Variants in ARIH2 observed in about 807,000 individuals in gnomAD.
ARIH2 encodes the protein E3 ubiquitin-protein ligase ARIH2.
ARIH2 carries 12 observed loss-of-function variants against 79.8 expected under a neutral mutation model. The observed-to-expected ratio is 0.15, with a 90% CI of 0.10 to 0.24. ARIH2 has a LOEUF of 0.24. Ranked by LOEUF, ARIH2 falls within the 10% of genes least tolerant of loss-of-function variation. The probability of loss-of-function intolerance (pLI) is 1.00; values close to 1 mark genes in which losing one functional copy is unlikely to be tolerated. For synonymous variants in ARIH2, 224 were observed against 213.9 expected, an observed-to-expected ratio of 1.05 and a Z score of -0.41; for missense variants, 301 against 618.3, an observed-to-expected ratio of 0.49 and a Z score of 5.44.
intron 12 of ARIH2, 121 bp downstream of exon 12, chr3:48,979,754 G>A: frequency 9.3e-7 from 1 of 1,069,994 alleles, no homozygotes; most frequent in Admixed American, 2.5e-5. Context: ...AGTGAATGGA[G>A]CTCCTGCAGT....
chr3:48,979,231 C>T (rs764970573), intron 11 of ARIH2, among the ~76,000 whole-genome samples: 4 of 152,270 alleles, frequency 2.6e-5, no homozygotes, highest in Admixed American at 1.3e-4. Context: ...ATTAATAAGG[C>T]GCATGGCACA....
intron 4 of ARIH2, among the ~76,000 whole-genome samples, chr3:48,963,719 A>G (rs1478631328): frequency 6.6e-6 from 1 of 152,226 alleles, no homozygotes; most frequent in East Asian, 1.9e-4. Flanking sequence ...GCAGTGGTAT[A>G]TAGGTGTTCC....
chr3:48,937,174 C>G (rs1040120495), intron 3 of ARIH2, among the ~76,000 whole-genome samples: 1 of 152,200 alleles, frequency 6.6e-6, no homozygotes, highest in Non-Finnish European at 1.5e-5. Context: ...AAAATGTGGT[C>G]TATATCTGGA....
Position 48,983,196 on chromosome 3 carries a change from C to A in ARIH2, c.1411-3C>A. On this transcript the variant is annotated splice_polypyrimidine_tract_variant and splice_region_variant and intron_variant, in intron 15 of 15. Transcript: ENST00000356401. ...AAGCACACACCTTGTTTCTCTGATG[C>A]AGGACTTGGAGAACCAGATGCATAT... The A allele has an allele frequency of 6.2e-7, 1 of 1,614,230 alleles. No homozygotes were observed. The highest frequency in any genetic ancestry group is 2.2e-5 in the East Asian group (1 of 44,892).
chr3:48,967,074 G>C, intron 5 of ARIH2, 51 bp from the exon 6 acceptor site: 6 of 1,590,608 alleles, frequency 3.8e-6, no homozygotes, highest in Non-Finnish European at 5.1e-6. Context: ...TACCCTTATG[G>C]CCTTCTGGAC....
chr3:48,930,950 T>G (rs1328987257), intron 3 of ARIH2, among the ~76,000 whole-genome samples: 1 of 152,220 alleles, frequency 6.6e-6, no homozygotes, highest in Non-Finnish European at 1.5e-5. Context: ...GTGGCTTAAA[T>G]TTTTCACTTG....
intron 3 of ARIH2, among the ~76,000 whole-genome samples, chr3:48,955,043 C>T (rs994902376): frequency 6.6e-6 from 1 of 152,006 alleles, no homozygotes; most frequent in Non-Finnish European, 1.5e-5. Flanking sequence ...AGTAAAAATA[C>T]CAAAAATAGC....
At chr3:48,951,567 T>A (rs763765422) in intron 3 of ARIH2, among the ~76,000 whole-genome samples, 1 of 152,180 alleles carries the variant, frequency 6.6e-6, no homozygotes, top group African/African-American at 2.4e-5. Flanking sequence ...TGGAACTTGG[T>A]GGGAAGGGTT....
At chr3:48,982,034 G>T (rs2092769717) in intron 14 of ARIH2, among the ~76,000 whole-genome samples, 1 of 152,188 alleles carries the variant, frequency 6.6e-6, no homozygotes, top group Non-Finnish European at 1.5e-5. Context: ...GGGATATTTA[G>T]CATGCATGTC....
At chr3:48,972,640 A>G (rs1195993419) in intron 8 of ARIH2, among the ~76,000 whole-genome samples, 1 of 151,958 alleles carries the variant, frequency 6.6e-6, no homozygotes, top group Non-Finnish European at 1.5e-5. Flanking sequence ...GCGAAACTCC[A>G]TTTCAGAAAA....
rs1002757985 is a variant in ARIH2, at chr3:48,934,286, A to G, written c.255+6473A>G. 69 of 698,732 alleles carry G rather than the reference A, an allele frequency of 9.9e-5. No individual in the cohort carries two copies. The African/African-American group carries it at 1.3e-3, about 13-fold the overall frequency. The allele number at this position is 698,732 out of a possible 1,614,324, so 43.3% of individuals were successfully genotyped here. A position where few individuals can be genotyped will look rare whatever the true frequency, so the allele number is the denominator to read the frequency against. ...TTCTTAATTGGTACTAAATACTTAT[A>G]TAATGCCAAGTTAAAAGATAACAAG... is the stretch of plus-strand genomic sequence containing the variant. On this transcript the variant is annotated intron_variant, in intron 3 of 15. Coordinates refer to ENST00000356401, the MANE Select transcript of ARIH2 (RefSeq NM_006321.4).
intron 7 of ARIH2, among the ~76,000 whole-genome samples, chr3:48,969,892 GTTTTTT>G (rs1316536295): frequency 2.9e-5 from 4 of 137,364 alleles, no homozygotes; most frequent in African/African-American, 1.1e-4. Context: ...TCAGATATAT[GTTTTTT>G]TTTTTTTTTT....
rs536344482 is a variant in ARIH2, at chr3:48,985,387, G to A, written c.*2117G>A. ...GGGAAAGGTCAGGCAGAATTTTTCT[G>A]CCCTACAAAGGGTGGAAGAGAAAGG... On this transcript the variant is annotated 3_prime_UTR_variant, in exon 16 of 16. Coordinates refer to ENST00000356401, the MANE Select transcript of ARIH2 (RefSeq NM_006321.4). 1 of 152,280 alleles carries A rather than the reference G, an allele frequency of 6.6e-6. No individual in the cohort carries two copies. Among genetic ancestry groups the A allele is most frequent in the South Asian group, 2.1e-4 (1 of 4,822 alleles). 9.4% of individuals were successfully genotyped at this position (152,280 alleles called of 1,614,324 possible).
At chr3:48,939,496 G>T (rs763403188) in intron 3 of ARIH2, among the ~76,000 whole-genome samples, 1 of 151,438 alleles carries the variant, frequency 6.6e-6, no homozygotes, top group Admixed American at 6.6e-5. Flanking sequence ...GGTGACTCAC[G>T]CCTGTAATCC....
intron 11 of ARIH2, among the ~76,000 whole-genome samples, chr3:48,977,088 G>T (rs1174322562): frequency 1.3e-5 from 2 of 151,914 alleles, no homozygotes; most frequent in Non-Finnish European, 2.9e-5. Flanking sequence ...TGTAGTCCCA[G>T]CTATTCGGGA....
chr3:48,973,879 T>A, intron 9 of ARIH2, 63 bp downstream of exon 9: 1 of 1,290,358 alleles, frequency 7.7e-7, no homozygotes, highest in Non-Finnish European at 1.1e-6. Flanking sequence ...GGCCTTGCCT[T>A]GGAGATTTGC....
intron 3 of ARIH2, chr3:48,948,930 C>T: frequency 8.3e-6 from 3 of 359,568 alleles, no homozygotes; most frequent in South Asian, 6.3e-5. Flanking sequence ...GGATATGCCA[C>T]ATTTTGTTTA....
At chr3:48,972,738 G>T (rs1401356936) in intron 8 of ARIH2, among the ~76,000 whole-genome samples, 1 of 152,032 alleles carries the variant, frequency 6.6e-6, no homozygotes, top group Non-Finnish European at 1.5e-5. Context: ...TTAAAAAACA[G>T]GGTCTCTCTC....
In ARIH2 at chr3:48,983,493, C is replaced by T; in HGVS notation, c.*223C>T. On this transcript the variant is annotated 3_prime_UTR_variant, in exon 16 of 16. Coordinates refer to ENST00000356401, the MANE Select transcript of ARIH2 (RefSeq NM_006321.4). ...ATGTTGAACTGGCCTCTTTTCAGGA[C>T]TTTTATTTCCCCCTGGATGGTTGTT... 1.8e-6 allele frequency: 1 copy of T among 564,604 alleles called. No homozygotes were observed. Among genetic ancestry groups the T allele is most frequent in the Non-Finnish European group, 3.1e-6 (1 of 318,804 alleles). 35.0% of individuals were successfully genotyped at this position (564,604 alleles called of 1,614,324 possible).
Sources: allele counts gnomAD v4.1 joint callset (sites outside exome capture counted in the v4.1 genomes callset), GRCh38; gene constraint gnomAD v4.1.1; transcripts MANE v1.5; gene names NCBI Gene and HGNC (gene_info 2026-07-23, HGNC 2026-07-21).